MTUS2: variants seen among roughly 807,000 people sequenced by gnomAD.
MTUS2 encodes microtubule associated scaffold protein 2.
MTUS2 carries 40 observed loss-of-function variants against 114.1 expected under a neutral mutation model. That is an observed-to-expected ratio of 0.35 (90% confidence interval 0.27 to 0.46). The LOEUF is 0.46. Among genes scored for constraint, MTUS2 ranks in the 20% least tolerant of loss-of-function variants. The probability of loss-of-function intolerance (pLI) is 1.00; values close to 1 mark genes in which losing one functional copy is unlikely to be tolerated. For missense variants in MTUS2, 1,679 were observed against 1,705.4 expected (o/e 0.98, Z 0.27); for synonymous variants, 688 against 672.0 (o/e 1.02, Z -0.37).
At chr13:29,153,826 C>T (rs1019246833) in intron 5 of MTUS2, among the ~76,000 whole-genome samples, 1 of 152,184 alleles carries the variant, frequency 6.6e-6, no homozygotes, top group Non-Finnish European at 1.5e-5. Flanking sequence ...CATCAGGTGA[C>T]ACTGTATTTT....
At chr13:29,501,241 T>G (rs1358739469) in intron 15 of MTUS2, 47 bp downstream of exon 15, 5 of 1,436,034 alleles carry the variant, frequency 3.5e-6, no homozygotes, top group Admixed American at 1.7e-5. Context: ...CTCTTGAGCT[T>G]CTTTTTGTTG....
intron 5 of MTUS2, among the ~76,000 whole-genome samples, chr13:29,137,493 G>C (rs567418080): frequency 6.6e-6 from 1 of 152,076 alleles, no homozygotes; most frequent in Middle Eastern, 3.4e-3. Context: ...TGGTTGACCT[G>C]ATGGTGTCCC....
intron 2 of MTUS2, among the ~76,000 whole-genome samples, chr13:28,946,139 T>C (rs1232145189): frequency 6.6e-6 from 1 of 152,216 alleles, no homozygotes; most frequent in Admixed American, 6.5e-5. Context: ...AAAGTTCTCT[T>C]ACTGACATTT....
chr13:29,492,969 C>G (rs148161227), intron 12 of MTUS2, among the ~76,000 whole-genome samples: 1 of 152,280 alleles, frequency 6.6e-6, no homozygotes, highest in East Asian at 1.9e-4. Flanking sequence ...GTGAATGCTA[C>G]AGACATTCAG....
intron 9 of MTUS2, among the ~76,000 whole-genome samples, chr13:29,471,578 A>G (rs1042895261): frequency 1.3e-5 from 2 of 152,142 alleles, no homozygotes; most frequent in African/African-American, 2.4e-5. Flanking sequence ...ACAGGTAAAG[A>G]GATGTGTTGC....
chr13:29,463,399 A>C (rs1220769864), intron 9 of MTUS2, among the ~76,000 whole-genome samples: 1 of 152,228 alleles, frequency 6.6e-6, no homozygotes, highest in African/African-American at 2.4e-5. Context: ...AGAGTGTGAG[A>C]AATGGTCATC....
At chr13:29,169,379 A>T (rs116226560) in intron 5 of MTUS2, among the ~76,000 whole-genome samples, 5 of 152,316 alleles carry the variant, frequency 3.3e-5, no homozygotes, top group African/African-American at 1.2e-4. Flanking sequence ...AATAAAAAAT[A>T]TAGTTGTTTG....
intron 10 of MTUS2, among the ~76,000 whole-genome samples, chr13:29,482,629 G>A (rs1437241245): frequency 6.6e-6 from 1 of 152,198 alleles, no homozygotes; most frequent in Non-Finnish European, 1.5e-5. Flanking sequence ...TATAAAATGT[G>A]GGCTTGCTTA....
At chr13:29,085,957 T>G (rs1013232145) in intron 4 of MTUS2, among the ~76,000 whole-genome samples, 2 of 152,152 alleles carry the variant, frequency 1.3e-5, no homozygotes, top group African/African-American at 4.8e-5. Context: ...TATTTACTGA[T>G]TTTTAAAAAA....
rs540513858 is a variant in MTUS2, at chr13:28,987,100, G to A, written c.-242-37357G>A. On this transcript the variant is annotated intron_variant, in intron 2 of 15. Coordinates refer to ENST00000612955, the MANE Select transcript of MTUS2 (RefSeq NM_001033602.4). ...TTGACCCCAAATCACAGTTTTAAGT[G>A]ACAAAGCTGGGAACTCAAAGCTGGA... Among the ~76,000 whole-genome samples, 4 of 152,332 alleles carry A rather than the reference G, an allele frequency of 2.6e-5. No individual in the cohort carries two copies. In the South Asian group the frequency reaches 8.3e-4, roughly 32 times the overall value.
At chr13:29,194,789 T>G (rs1403166813) in intron 5 of MTUS2, among the ~76,000 whole-genome samples, 1 of 152,078 alleles carries the variant, frequency 6.6e-6, no homozygotes, top group African/African-American at 2.4e-5. Context: ...TAAAGACACA[T>G]GCACATGCAT....
rs1309481960 is a variant in MTUS2, at chr13:29,496,402, A to G, written c.3580-836A>G. 1 of 152,920 alleles carries G rather than the reference A, an allele frequency of 6.5e-6. No homozygotes were observed. The highest frequency in any genetic ancestry group is 1.5e-5 in the Non-Finnish European group (1 of 68,464). The allele number at this position is 152,920 out of a possible 1,614,324, so 9.5% of individuals were successfully genotyped here. A position where few individuals can be genotyped will look rare whatever the true frequency, so the allele number is the denominator to read the frequency against. On this transcript the variant is annotated intron_variant, in intron 12 of 15. Transcript: ENST00000612955. The surrounding 1 kb of genome is among the most constrained non-coding windows in gnomAD (Gnocchi z 4.3). ...GCAACCCAGTCCTGAGGCCAGGAAG[A>G]CTGTGTGGGAGCCAGAGTGAAGCGG...
rs572529166 is a variant in MTUS2 at position 29,480,303 on chromosome 13, C to T, written c.3338C>T (p.Ala1113Val). 304 of 1,555,770 alleles carry T rather than the reference C, an allele frequency of 2.0e-4. 2 individuals are homozygous for T. In the South Asian group the frequency reaches 2.4e-3, roughly 12 times the overall value. The change falls in exon 10 of 16, where the codon GCG (alanine) becomes GTG (valine). Residue 1113 changes from alanine to valine, a missense_variant. Ala to Val is a moderately conservative substitution (Grantham distance 64, BLOSUM62 0). This residue lies in a region of MTUS2 where 822 missense variants were observed against 899.7 expected (regional missense o/e 0.91). Coordinates refer to ENST00000612955, the MANE Select transcript of MTUS2 (RefSeq NM_001033602.4). This position sits in a 1 kb window ranked among gnomAD's most constrained non-coding sequence, Gnocchi z 4.4. ...CAGCTGCAATTCGAGGCGGAAATGG[C>T]GCGCCTGCAGGAGGAGCACGGTGAC... ...RLQLQFEAEM[A>V]RLQEEHGDQL...
chr13:29,147,837 C>T (rs535922748), intron 5 of MTUS2, among the ~76,000 whole-genome samples: 3 of 152,192 alleles, frequency 2.0e-5, no homozygotes, highest in Non-Finnish European at 4.4e-5. Context: ...TCCAGTCCAC[C>T]ATTGATGGTC....
intron 9 of MTUS2, among the ~76,000 whole-genome samples, chr13:29,456,475 T>C (rs1217591277): frequency 3.9e-5 from 6 of 152,132 alleles, no homozygotes; most frequent in Non-Finnish European, 7.3e-5. Context: ...CTGAGTTTGA[T>C]TTTAAAAGAG....
chr13:29,153,794 T>C (rs944391676), intron 5 of MTUS2, among the ~76,000 whole-genome samples: 3 of 152,256 alleles, frequency 2.0e-5, no homozygotes, highest in Non-Finnish European at 4.4e-5. Context: ...TATTTGACAG[T>C]GTTTCACTTA....
At chr13:29,320,171 G>A (rs1900194459) in intron 6 of MTUS2, among the ~76,000 whole-genome samples, 1 of 152,188 alleles carries the variant, frequency 6.6e-6, no homozygotes, top group African/African-American at 2.4e-5. Context: ...GAGGCAGGAG[G>A]AATTAGAAAG....
chr13:29,233,595 G>A (rs960503516), intron 5 of MTUS2, among the ~76,000 whole-genome samples: 3 of 152,188 alleles, frequency 2.0e-5, no homozygotes, highest in East Asian at 3.8e-4. Flanking sequence ...TCAGAACCTC[G>A]TGCTGGGAGA....
intron 9 of MTUS2, among the ~76,000 whole-genome samples, chr13:29,465,015 G>A (rs893823429): frequency 4.6e-5 from 7 of 152,168 alleles, no homozygotes; most frequent in South Asian, 4.1e-4. Flanking sequence ...TTGGTTCTGC[G>A]CCCAGATTCC....
Sources: allele counts gnomAD v4.1 joint callset (sites outside exome capture counted in the v4.1 genomes callset), GRCh38; gene constraint gnomAD v4.1.1; regional missense constraint gnomAD v4.1.1; non-coding constraint Gnocchi (gnomAD v3.1); transcripts MANE v1.5; gene names NCBI Gene and HGNC (gene_info 2026-07-23, HGNC 2026-07-21).